PCDHA5: variants seen among roughly 807,000 people sequenced by gnomAD.
PCDHA5 encodes the protein protocadherin alpha-5.
A neutral mutation model predicts 61.6 loss-of-function variants in PCDHA5; 43 were observed. The ratio of observed to expected loss-of-function variants is 0.70; its 90% CI spans 0.55 to 0.90. The LOEUF is 0.90. Among genes scored for constraint, PCDHA5 ranks in the 40% least tolerant of loss-of-function variants. The pLI is 0.00. For missense variants in PCDHA5, 1,298 were observed against 1,222.7 expected, an observed-to-expected ratio of 1.06 and a Z score of -0.92; for synonymous variants, 627 against 543.9, an observed-to-expected ratio of 1.15 and a Z score of -2.13.
Position 140,849,547 on chromosome 5 carries a change from C to G in PCDHA5, c.2352+25420C>G, listed in dbSNP as rs2150440099. On this transcript the variant is annotated intron_variant, in intron 1 of 3. Transcript: ENST00000529859. ...GTAAATGACAATGCTCCACAGTTGA[C>G]TATCAAAACGCTCTCGGTTCCTGTA... 5.0e-6 allele frequency: 8 copies of G among 1,598,384 alleles called. No individual in the cohort carries two copies. The South Asian group carries it at 8.8e-5, about 18-fold the overall frequency.
chr5:140,996,217 T>C (rs2097717491), intron 3 of PCDHA5, among the ~76,000 whole-genome samples: 1 of 152,192 alleles, frequency 6.6e-6, no homozygotes, highest in South Asian at 2.1e-4. Context: ...TCACTACTTG[T>C]CTAGAAATGG....
At chr5:140,861,511 T>C in intron 1 of PCDHA5, 1 of 471,158 alleles carries the variant, frequency 2.1e-6, no homozygotes, top group South Asian at 1.7e-5. Flanking sequence ...CTCGAGGAGC[T>C]GTGTGGGAGG....
chr5:140,822,318 T>G lies in PCDHA5; in HGVS notation c.543T>G (p.Val181=). ...LNPNEYFDLD[V]KTNEEETNFL... ...CAAACGAATATTTTGACTTAGATGT[T>G]AAAACAAATGAAGAAGAAACGAACT... The change falls in exon 1 of 4, where the codon GTT becomes GTG. Residue 181 remains valine, a synonymous_variant. Coordinates refer to ENST00000529859, the MANE Select transcript of PCDHA5 (RefSeq NM_018908.3). 1 of 1,614,174 alleles carries G rather than the reference T, an allele frequency of 6.2e-7. No individual in the cohort carries two copies. Among genetic ancestry groups the G allele is most frequent in the Non-Finnish European group, 8.5e-7 (1 of 1,180,020 alleles).
intron 3 of PCDHA5, among the ~76,000 whole-genome samples, chr5:140,987,599 C>T (rs1475170913): frequency 1.3e-5 from 2 of 152,086 alleles, no homozygotes; most frequent in Non-Finnish European, 2.9e-5. Context: ...GTGGTGTCTA[C>T]CTTATAGGGT....
intron 1 of PCDHA5, among the ~76,000 whole-genome samples, chr5:140,912,377 A>T (rs1202586249): frequency 1.3e-5 from 2 of 149,084 alleles, no homozygotes; most frequent in Admixed American, 6.7e-5. Context: ...TGTAAAAGGG[A>T]TTGAGTTCTT....
chr5:140,829,165 T>G lies in PCDHA5; in HGVS notation c.2352+5038T>G, dbSNP rs141910594. The G allele has an allele frequency of 2.8e-4, 449 of 1,614,128 alleles. 1 individual carries two copies. The highest frequency in any genetic ancestry group is 5.0e-4 in the Admixed American group (30 of 60,032). ...TAGCACTGACTTCCTTATCCTTGCC[T>G]GTACGTGAAGACGCTCAATTTGGTA... On this transcript the variant is annotated intron_variant, in intron 1 of 3. Transcript: ENST00000529859.
At chr5:140,988,294 G>A (rs2097291713) in intron 3 of PCDHA5, among the ~76,000 whole-genome samples, 1 of 152,206 alleles carries the variant, frequency 6.6e-6, no homozygotes, top group South Asian at 2.1e-4. Context: ...TGACAGCCCA[G>A]GAGTGCCAGC....
intron 1 of PCDHA5, chr5:140,858,086 C>T (rs1554151138): frequency 6.3e-7 from 1 of 1,597,802 alleles, no homozygotes; most frequent in Admixed American, 1.7e-5. Flanking sequence ...GGCCTCGTCG[C>T]GGGCTTCAGT....
intron 1 of PCDHA5, chr5:140,876,095 T>C (rs781801828): frequency 4.3e-6 from 7 of 1,613,928 alleles, no homozygotes; most frequent in Non-Finnish European, 5.9e-6. Context: ...ACGCCAAAAC[T>C]CAATTTATTG....
chr5:140,992,381 T>C (rs890804495), intron 3 of PCDHA5, among the ~76,000 whole-genome samples: 5 of 152,200 alleles, frequency 3.3e-5, no homozygotes, highest in Admixed American at 1.3e-4. Context: ...TACATTATTG[T>C]GTTCTGGACT....
chr5:140,865,381 G>A (rs1260895548), intron 1 of PCDHA5: 3 of 152,122 alleles, frequency 2.0e-5, no homozygotes, highest in African/African-American at 7.2e-5. Context: ...TATAGGTAGG[G>A]TAAAGTTAAT....
At chr5:140,830,141 G>C in intron 1 of PCDHA5, 1 of 1,613,398 alleles carries the variant, frequency 6.2e-7, no homozygotes, top group South Asian at 1.1e-5. Flanking sequence ...ACGGGCGTCG[G>C]TGGGCGCCGC....
intron 1 of PCDHA5, chr5:140,869,853 C>T: frequency 1.2e-6 from 2 of 1,610,606 alleles, no homozygotes; most frequent in South Asian, 2.2e-5. Flanking sequence ...ATAAGGTGAG[C>T]CTTATGGAAA....
In PCDHA5 at chr5:140,849,253, A is replaced by G. The variant is rs2150433533; in HGVS notation, c.2352+25126A>G. 179 of 1,102,320 alleles carry G rather than the reference A, an allele frequency of 1.6e-4. 8 individuals carry two copies. Among genetic ancestry groups the G allele is most frequent in the Middle Eastern group, 1.5e-3 (5 of 3,306 alleles). The allele number at this position is 1,102,320 out of a possible 1,614,324, so 68.3% of individuals were successfully genotyped here. On this transcript the variant is annotated intron_variant, in intron 1 of 3. Coordinates refer to ENST00000529859, the MANE Select transcript of PCDHA5 (RefSeq NM_018908.3). ...ACCCTGTATACGGTGAAATTACCAG[A>G]AAACGTTTCTATCGGAACGCTGGTG...
In PCDHA5 at chr5:140,981,654, ATTTCTTCCTTCC is replaced by A. The variant is rs563193906; in HGVS notation, c.2412-807_2412-796del. Among the ~76,000 whole-genome samples the A allele has an allele frequency of 1.4e-4, 22 of 152,142 alleles. No individual in the cohort carries two copies. In the East Asian group the frequency reaches 3.9e-3, roughly 27 times the overall value. On this transcript the variant is annotated intron_variant, in intron 2 of 3. Coordinates refer to ENST00000529859, the MANE Select transcript of PCDHA5 (RefSeq NM_018908.3). ...GACATTTTCTCTTAGGATCCCACTTATTTCTTCCTTCCTTTCTTCCTTCCTCCCTTCCATCAT... is the reference window on the plus strand; with the variant it reads ...GACATTTTCTCTTAGGATCCCACTTATTTCTTCCTTCCTCCCTTCCATCAT...
chr5:141,006,356 C>T (rs1342790572), intron 3 of PCDHA5, among the ~76,000 whole-genome samples: 4 of 151,920 alleles, frequency 2.6e-5, no homozygotes, highest in South Asian at 2.1e-4. Flanking sequence ...GGACTATAGG[C>T]GCCCACCACC....
intron 1 of PCDHA5, chr5:140,871,599 TG>T (rs1554165773): frequency 6.9e-7 from 1 of 1,447,790 alleles, no homozygotes; most frequent in Admixed American, 2.7e-5. Flanking sequence ...GAATAACCAG[TG>T]TTTTGAATAT....
chr5:140,973,384 CAAAG>C (rs1250756648), intron 1 of PCDHA5, among the ~76,000 whole-genome samples: 4 of 152,194 alleles, frequency 2.6e-5, no homozygotes, highest in Non-Finnish European at 5.9e-5. Context: ...TCAGAATAGA[CAAAG>C]AAATCATATC....
rs1439259875 is a variant in PCDHA5 at position 141,011,882 on chromosome 5, GATTA to G, written c.*1950_*1953del. On this transcript the variant is annotated 3_prime_UTR_variant, in exon 4 of 4. Coordinates refer to ENST00000529859, the MANE Select transcript of PCDHA5 (RefSeq NM_018908.3). ...GTTATAATGTACAATTTAGAAGTTTGATTAATTATATTATCTATTTAGGCATTAA... is the reference window on the plus strand; with the variant it reads ...GTTATAATGTACAATTTAGAAGTTTGATTATATTATCTATTTAGGCATTAA... 2.0e-5 allele frequency: 3 copies of G among 153,360 alleles called. No homozygotes were observed. Among genetic ancestry groups the G allele is most frequent in the Non-Finnish European group, 4.4e-5 (3 of 68,010 alleles). 9.5% of individuals were successfully genotyped at this position (153,360 alleles called of 1,614,324 possible).
Sources: gnomAD v4.1 joint callset for allele counts (sites outside exome capture counted in the v4.1 genomes callset) on GRCh38, gnomAD v4.1.1 for gene constraint, MANE v1.5 for transcripts, NCBI Gene and HGNC (gene_info 2026-07-23, HGNC 2026-07-21) for gene names.